Variants in C8A observed in about 807,000 individuals in gnomAD.
The protein encoded by C8A is complement component C8 alpha chain.
Under a neutral mutation model 65.3 loss-of-function variants are expected in C8A, and 67 were observed. That is an observed-to-expected ratio of 1.03 (90% CI 0.84 to 1.26). The LOEUF is 1.26. Among genes scored for constraint, C8A ranks in the 50% most tolerant of loss-of-function variants. The probability of loss-of-function intolerance (pLI) is 0.00; values close to 1 mark genes in which losing one functional copy is unlikely to be tolerated. For synonymous variants in C8A, 290 were observed against 259.4 expected (o/e 1.12, Z -1.13); for missense variants, 781 against 723.9 (o/e 1.08, Z -0.90).
intron 7 of C8A, among the ~76,000 whole-genome samples, chr1:56,892,091 C>CATCTAGAG (rs1279671554): frequency 6.6e-6 from 1 of 152,038 alleles, no homozygotes; most frequent in Admixed American, 6.6e-5. Context: ...TCCACATTTC[C>CATCTAGAG]ATCTAGAGTC....
At chr1:56,904,158 G>A (rs565511580) in intron 7 of C8A, among the ~76,000 whole-genome samples, 1 of 152,162 alleles carries the variant, frequency 6.6e-6, no homozygotes, top group East Asian at 1.9e-4. Context: ...TATCTCTCTG[G>A]TTCTGCGTCC....
At chr1:56,859,955 C>T (rs565544858) in intron 1 of C8A, among the ~76,000 whole-genome samples, 2 of 152,164 alleles carry the variant, frequency 1.3e-5, no homozygotes, top group Non-Finnish European at 2.9e-5. Flanking sequence ...CCCAGCTGCT[C>T]GGGAGACTGA....
intron 3 of C8A, among the ~76,000 whole-genome samples, chr1:56,875,791 A>T (rs907871992): frequency 6.6e-6 from 1 of 152,090 alleles, no homozygotes; most frequent in Non-Finnish European, 1.5e-5. Flanking sequence ...GATACTGAGC[A>T]AGGGGATTAC....
intron 4 of C8A, among the ~76,000 whole-genome samples, chr1:56,879,018 A>G (rs978145289): frequency 2.0e-5 from 3 of 152,232 alleles, no homozygotes; most frequent in Admixed American, 2.0e-4. Context: ...TCTATAACAT[A>G]GTTAGCAAAC....
Position 56,912,383 on chromosome 1 carries a change from T to C in C8A, c.1381-20T>C. 6.2e-7 allele frequency: 1 copy of C among 1,611,504 alleles called. No individual in the cohort carries two copies. Among genetic ancestry groups the C allele is most frequent in the Non-Finnish European group, 8.5e-7 (1 of 1,177,712 alleles). On this transcript the variant is annotated intron_variant, in intron 9 of 10. Coordinates refer to ENST00000361249, the MANE Select transcript of C8A (RefSeq NM_000562.3). ...AGATAGAGCCCAGGGAGGGGCCCTG[T>C]GTTCTTTCTGTGCCCACAGATGCAG...
chr1:56,873,769 C>T lies in C8A; in HGVS notation c.172-1180C>T, dbSNP rs180784025. Among the ~76,000 whole-genome samples the T allele has an allele frequency of 6.6e-5, 10 of 152,228 alleles. No individual in the cohort carries two copies. The East Asian group carries it at 1.2e-3, about 18-fold the overall frequency. Reference sequence around the variant, plus strand: ...AATACAGGGCTGCACGTTTCCTTGTCGGCCACTGTGTGTTTGCTATCTGCA... The same window carrying T: ...AATACAGGGCTGCACGTTTCCTTGTTGGCCACTGTGTGTTTGCTATCTGCA... On this transcript the variant is annotated intron_variant, in intron 2 of 10. Transcript: ENST00000361249.
rs777093855 is a variant in C8A at position 56,881,637 on chromosome 1, A to C, written c.654+3A>C. 6.2e-7 allele frequency: 1 copy of C among 1,612,490 alleles called. No individual in the cohort carries two copies. Among genetic ancestry groups the C allele is most frequent in the South Asian group, 1.1e-5 (1 of 91,022 alleles). The stretch of plus-strand genomic sequence containing the variant: ...ACTTTCTGAAGTACCACTTTGAAGT[A>C]AGTCTGAACAGAGGGGCTCTGAGGC... On this transcript the variant is annotated splice_donor_region_variant and intron_variant, in intron 5 of 10. Coordinates refer to ENST00000361249, the MANE Select transcript of C8A (RefSeq NM_000562.3).
intron 1 of C8A, among the ~76,000 whole-genome samples, chr1:56,857,880 T>G (rs857028): frequency 0.025 from 3,877 of 152,188 alleles, 101 homozygotes; most frequent in African/African-American, 0.07. Flanking sequence ...ATTACAGAGA[T>G]GCTAGCCTGC....
intron 6 of C8A, among the ~76,000 whole-genome samples, chr1:56,885,414 A>T (rs1644288510): frequency 1.1e-5 from 1 of 91,316 alleles, no homozygotes; most frequent in East Asian, 4.3e-4. Flanking sequence ...ATATTTATTT[A>T]AATATATATT....
At chr1:56,885,392 TTAAATAAATA>T (rs1300079596) in intron 6 of C8A, among the ~76,000 whole-genome samples, 42 of 110,064 alleles carry the variant, frequency 3.8e-4, no homozygotes, top group African/African-American at 7.3e-4. Context: ...AAATATATAT[TTAAATAAATA>T]TATATTTATT....
intron 7 of C8A, among the ~76,000 whole-genome samples, chr1:56,902,791 G>T (rs1284159651): frequency 6.6e-6 from 1 of 152,058 alleles, no homozygotes; most frequent in African/African-American, 2.4e-5. Context: ...TATCCTCAAG[G>T]TTCAATCGCA....
At chr1:56,913,999 T>C (rs607268) in intron 10 of C8A, among the ~76,000 whole-genome samples, 60,805 of 152,038 alleles carry the variant, frequency 0.4, 12,470 homozygotes, top group South Asian at 0.63. Flanking sequence ...GTACCAAGAT[T>C]TTTGTTCTTG....
At chr1:56,859,477 G>C (rs888413670) in intron 1 of C8A, among the ~76,000 whole-genome samples, 2 of 152,208 alleles carry the variant, frequency 1.3e-5, no homozygotes, top group African/African-American at 4.8e-5. Context: ...AACTGAAGTG[G>C]AAAGGTTTGG....
intron 8 of C8A, 25 bp downstream of exon 8, chr1:56,906,817 CAA>C (rs1472475586): frequency 1.4e-5 from 22 of 1,613,556 alleles, no homozygotes; most frequent in Non-Finnish European, 1.9e-5. Flanking sequence ...ATAGATCTCC[CAA>C]AAAGAGAAGC....
chr1:56,912,470 T>C lies in C8A; in HGVS notation c.1448T>C (p.Leu483Pro), dbSNP rs1487190405. The change falls in exon 10 of 11, where the codon CTG becomes CCG. Residue 483 changes from leucine (L) to proline (P), a missense_variant. Physicochemically the swap from Leu to Pro is moderately conservative, Grantham distance 98 (BLOSUM62 -3). Coordinates refer to ENST00000361249, the MANE Select transcript of C8A (RefSeq NM_000562.3). ...CCTCTGGAGGCCAAGCGCCAGAACC[T>C]GCGCCGCGCCTTGGACCAGTATCTG... is the stretch of plus-strand genomic sequence containing the variant. Reference protein sequence around the residue: ...LGPLEAKRQNLRRALDQYLME... With the variant: ...LGPLEAKRQNPRRALDQYLME... 5 of 1,614,212 alleles carry C rather than the reference T, an allele frequency of 3.1e-6. No individual in the cohort carries two copies. The highest frequency in any genetic ancestry group is 3.3e-5 in the Admixed American group (2 of 60,026).
chr1:56,855,726 TG>T (rs1158351845), intron 1 of C8A, among the ~76,000 whole-genome samples: 2 of 152,046 alleles, frequency 1.3e-5, no homozygotes, highest in African/African-American at 4.8e-5. Flanking sequence ...AAGCAATCCC[TG>T]TCTCCCAAAC....
In C8A at chr1:56,917,876, C is replaced by T. The variant is rs1259745129; in HGVS notation, c.*160C>T. ...TAAGACTAGGTTTTGCTGTCTACAGCCAACTATTCTATTAGTTACAAAACT... is the reference window on the plus strand; with the variant it reads ...TAAGACTAGGTTTTGCTGTCTACAGTCAACTATTCTATTAGTTACAAAACT... On this transcript the variant is annotated 3_prime_UTR_variant, in exon 11 of 11. Coordinates refer to ENST00000361249, the MANE Select transcript of C8A (RefSeq NM_000562.3). The T allele has an allele frequency of 1.6e-5, 12 of 759,786 alleles. No homozygotes were observed. The highest frequency in any genetic ancestry group is 1.5e-4 in the South Asian group (8 of 55,020). The allele number at this position is 759,786 out of a possible 1,614,324, so 47.1% of individuals were successfully genotyped here. A position where few individuals can be genotyped will look rare whatever the true frequency, so the allele number is the denominator to read the frequency against.
intron 5 of C8A, among the ~76,000 whole-genome samples, chr1:56,882,429 G>T (rs1047468107): frequency 5.3e-5 from 8 of 152,054 alleles, no homozygotes; most frequent in African/African-American, 1.9e-4. Context: ...AAACACAAAG[G>T]GTTAAAGTGT....
chr1:56,874,952 C>A lies in C8A; in HGVS notation c.175C>A (p.Arg59=). 6.2e-7 allele frequency: 1 copy of A among 1,613,482 alleles called. No homozygotes were observed. The stretch of plus-strand genomic sequence containing the variant: ...TCTTGTTCAAAATCTGGTTTAGTAC[C>A]GACACCGGAGCCTCTTGCAGCCAAA... ...DCFPCQDKKY[R]HRSLLQPNKF... is the part of the protein sequence containing the mutation. Residue 59 remains arginine, a synonymous_variant, in exon 3 of 11, where the codon CGA becomes AGA. Coordinates refer to ENST00000361249, the MANE Select transcript of C8A (RefSeq NM_000562.3).
Sources: allele counts gnomAD v4.1 joint callset (sites outside exome capture counted in the v4.1 genomes callset), GRCh38; gene constraint gnomAD v4.1.1; transcripts MANE v1.5; gene names NCBI Gene and HGNC (gene_info 2026-07-23, HGNC 2026-07-21).